Variants in CHD2 observed in about 807,000 individuals in gnomAD.
CHD2 encodes the protein chromodomain helicase DNA binding protein 2.
Under a neutral mutation model 243.9 loss-of-function variants are expected in CHD2, and 28 were observed. That is an observed-to-expected ratio of 0.11 (90% CI 0.09 to 0.16). CHD2 has a LOEUF of 0.16. CHD2 is among the 10% of genes least tolerant of loss of function. The probability of loss-of-function intolerance (pLI) is 1.00; values close to 1 mark genes in which losing one functional copy is unlikely to be tolerated. For synonymous variants in CHD2, 775 were observed against 779.0 expected, an observed-to-expected ratio of 0.99 and a Z score of 0.09; for missense variants, 1,386 against 2,209.8, an observed-to-expected ratio of 0.63 and a Z score of 7.47.
chr15:92,961,693 T>G (rs767770046), intron 16 of CHD2, among the ~76,000 whole-genome samples: 2 of 152,174 alleles, frequency 1.3e-5, no homozygotes, highest in Admixed American at 6.5e-5. Flanking sequence ...ATAATAGGCA[T>G]GAACCACTGT....
intron 32 of CHD2, among the ~76,000 whole-genome samples, chr15:93,001,451 A>G (rs1027309266): frequency 2.0e-5 from 3 of 152,216 alleles, no homozygotes; most frequent in African/African-American, 7.2e-5. Flanking sequence ...ATTAGCTCCA[A>G]GAGGATCAGC....
intron 5 of CHD2, among the ~76,000 whole-genome samples, chr15:92,934,094 G>T (rs147191617): frequency 1.3e-5 from 2 of 152,224 alleles, no homozygotes; most frequent in East Asian, 3.9e-4. Context: ...TCTAAGTGGA[G>T]GAAAAAGGAG....
At chr15:92,948,647 C>T (rs2141801607) in intron 12 of CHD2, among the ~76,000 whole-genome samples, 1 of 152,208 alleles carries the variant, frequency 6.6e-6, no homozygotes, top group East Asian at 1.9e-4. Context: ...TCCTGGCTAG[C>T]ATGGTGAAAC....
intron 15 of CHD2, among the ~76,000 whole-genome samples, chr15:92,956,008 G>C (rs970145413): frequency 6.6e-6 from 1 of 152,170 alleles, no homozygotes; most frequent in African/African-American, 2.4e-5. Context: ...CCGCCTTTCT[G>C]CTAAGAAATA....
rs1016978971 is a variant in CHD2, at chr15:92,918,858, T to C, written c.63-5463T>C. On this transcript the variant is annotated intron_variant, in intron 2 of 38. Coordinates refer to ENST00000394196, the MANE Select transcript of CHD2 (RefSeq NM_001271.4). Reference sequence around the variant, plus strand: ...ACATACACACATATATATACATACATATATATATATATTTTTTGAGACAGA... The same window carrying C: ...ACATACACACATATATATACATACACATATATATATATTTTTTGAGACAGA... 2.3e-4 allele frequency among the ~76,000 whole-genome samples: 34 copies of C among 145,282 alleles called. 1 individual carries two copies. The highest frequency in any genetic ancestry group is 8.4e-4 in the African/African-American group (30 of 35,622).
chr15:92,995,986 C>T (rs2054182106), intron 28 of CHD2, among the ~76,000 whole-genome samples: 1 of 152,084 alleles, frequency 6.6e-6, no homozygotes, highest in Non-Finnish European at 1.5e-5. Context: ...CTAAGGGTCA[C>T]TTGCATTTTG....
Position 92,971,775 on chromosome 15 carries a change from A to T in CHD2, c.2200A>T (p.Thr734Ser). The change falls in exon 18 of 39, where the codon ACC (threonine) becomes TCC (serine). Residue 734 changes from threonine (T) to serine (S), a missense_variant. Transcript: ENST00000394196. ...LQKQYYKWIL[T>S]RNYKALAKGT... ...CATTTTAATTTGCAGGTGGATTCTG[A>T]CCAGGAATTACAAGGCTCTTGCCAA... 6.2e-7 allele frequency: 1 copy of T among 1,611,598 alleles called. No individual in the cohort carries two copies. The highest frequency in any genetic ancestry group is 8.5e-7 in the Non-Finnish European group (1 of 1,179,304).
intron 37 of CHD2, 114 bp from the exon 38 acceptor site, chr15:93,019,898 A>C (rs1596461324): frequency 7.8e-7 from 1 of 1,276,706 alleles, no homozygotes; most frequent in Non-Finnish European, 1.1e-6. Flanking sequence ...GTGCCACTGC[A>C]CTCCAGCCTG....
chr15:92,951,352 G>T (rs774475279), intron 13 of CHD2, among the ~76,000 whole-genome samples: 9 of 152,006 alleles, frequency 5.9e-5, no homozygotes, highest in Admixed American at 3.9e-4. Flanking sequence ...TGTATTTTTA[G>T]TAGAGACGGG....
chr15:92,984,270 GT>G, intron 24 of CHD2, 59 bp from the exon 25 acceptor site: 1 of 1,325,134 alleles, frequency 7.5e-7, no homozygotes, highest in Non-Finnish European at 1.0e-6. Context: ...TGGATAAATT[GT>G]TTTAGTAGAT....
chr15:92,995,533 T>C (rs1164018572), intron 28 of CHD2, among the ~76,000 whole-genome samples: 1 of 152,216 alleles, frequency 6.6e-6, no homozygotes, highest in East Asian at 1.9e-4. Flanking sequence ...CATACTCTTT[T>C]GCACCTGCTT....
chr15:93,022,372 A>G (rs2054544415), intron 38 of CHD2, among the ~76,000 whole-genome samples: 1 of 152,174 alleles, frequency 6.6e-6, no homozygotes, highest in Non-Finnish European at 1.5e-5. Context: ...TATCACAAGG[A>G]CAGCACCAAG....
At chr15:92,978,180 G>A (rs756366312) in intron 20 of CHD2, 54 bp from the exon 21 acceptor site, 1 of 1,609,322 alleles carries the variant, frequency 6.2e-7, no homozygotes, top group South Asian at 1.1e-5. Flanking sequence ...ATTGGACTGT[G>A]AAACTGTTTC....
chr15:92,975,916 T>A (rs1488552535), intron 20 of CHD2, among the ~76,000 whole-genome samples: 1 of 152,206 alleles, frequency 6.6e-6, no homozygotes. Flanking sequence ...ATTAAAGACA[T>A]CGGTCATCAA....
At chr15:93,015,012 A>G in intron 37 of CHD2, 103 bp downstream of exon 37, 5 of 852,108 alleles carry the variant, frequency 5.9e-6, no homozygotes, top group Non-Finnish European at 9.6e-6. Context: ...GTGCTTTATT[A>G]TCTTCTAACA....
chr15:92,984,225 C>A (rs762786083), intron 24 of CHD2, 105 bp from the exon 25 acceptor site: 56 of 803,442 alleles, frequency 7.0e-5, no homozygotes, highest in Non-Finnish European at 9.0e-5. Flanking sequence ...TCACAAAAGT[C>A]CTATTATTCA....
At chr15:92,970,137 G>A (rs1439367333) in intron 17 of CHD2, among the ~76,000 whole-genome samples, 1 of 152,100 alleles carries the variant, frequency 6.6e-6, no homozygotes, top group Non-Finnish European at 1.5e-5. Context: ...AGCCTGGTAT[G>A]TTCAAAGAAA....
intron 18 of CHD2, 73 bp downstream of exon 18, chr15:92,972,000 C>G: frequency 1.4e-6 from 2 of 1,462,056 alleles, no homozygotes; most frequent in East Asian, 2.3e-5. Context: ...TCAGAATGCT[C>G]TATTTCCTTG....
chr15:92,933,291 A>G (rs570075630), intron 5 of CHD2, among the ~76,000 whole-genome samples: 1 of 152,306 alleles, frequency 6.6e-6, no homozygotes, highest in South Asian at 2.1e-4. Flanking sequence ...AGTTAGCATC[A>G]TTTAATTGAG....
Sources: allele counts gnomAD v4.1 joint callset (sites outside exome capture counted in the v4.1 genomes callset), GRCh38; gene constraint gnomAD v4.1.1; transcripts MANE v1.5; gene names NCBI Gene and HGNC (gene_info 2026-07-23, HGNC 2026-07-21).